Variants in SEL1L3 observed in about 807,000 individuals in gnomAD.
SEL1L3 encodes protein sel-1 homolog 3.
SEL1L3 carries 76 observed loss-of-function variants against 142.8 expected under a neutral mutation model. That is an observed-to-expected ratio of 0.53 (90% CI 0.44 to 0.64). The LOEUF (loss-of-function observed/expected upper bound fraction) is 0.64. Ranked by LOEUF, SEL1L3 falls within the 30% of genes least tolerant of loss-of-function variation. SEL1L3 has a pLI of 0.00. For synonymous variants in SEL1L3, 504 were observed against 519.6 expected, an observed-to-expected ratio of 0.97 and a Z score of 0.41; for missense variants, 1,262 against 1,381.7, an observed-to-expected ratio of 0.91 and a Z score of 1.37.
rs560965750 is a variant in SEL1L3 at position 25,758,859 on chromosome 4, G to T, written c.3083+82C>A. On this transcript the variant is annotated intron_variant, in intron 21 of 23. Transcript: ENST00000399878. ...TAACAATTTACATTACAATATAAGG[G>T]TAAAGCTAACTTTAACCAAGAAGCG... 1.8e-5 allele frequency: 25 copies of T among 1,386,342 alleles called. No homozygotes were observed. The East Asian group carries it at 5.3e-4, about 30-fold the overall frequency. 85.9% of individuals were successfully genotyped at this position (1,386,342 alleles called of 1,614,324 possible). A position where few individuals can be genotyped will look rare whatever the true frequency, so the allele number is the denominator to read the frequency against.
At chr4:25,732,435 G>A in the SEL1L3 span, among the ~76,000 whole-genome samples, 3 of 152,198 alleles carry the variant, frequency 2.0e-5, no homozygotes, top group Admixed American at 2.0e-4. Context: ...GTTTTCCAAA[G>A]TAGTTGTGCC....
chr4:25,794,112 T>C (rs1051431355), intron 11 of SEL1L3, among the ~76,000 whole-genome samples: 41 of 152,182 alleles, frequency 2.7e-4, no homozygotes, highest in Non-Finnish European at 3.5e-4. Context: ...GACATAGGCA[T>C]AGACAAAGAT....
At chr4:25,812,257 G>A (rs1469955126) in intron 9 of SEL1L3, among the ~76,000 whole-genome samples, 1 of 152,140 alleles carries the variant, frequency 6.6e-6, no homozygotes, top group Non-Finnish European at 1.5e-5. Context: ...GCAAACAGCT[G>A]TTATGTTCCC....
chr4:25,840,555 T>A (rs980931626), intron 2 of SEL1L3, among the ~76,000 whole-genome samples: 4 of 152,190 alleles, frequency 2.6e-5, no homozygotes, highest in African/African-American at 9.7e-5. Flanking sequence ...AGAAGAAAAC[T>A]GCCATGTTGC....
In SEL1L3 at chr4:25,831,595, A is replaced by G. The variant is rs192456077; in HGVS notation, c.1098+1400T>C. On this transcript the variant is annotated intron_variant, in intron 5 of 23. Coordinates refer to ENST00000399878, the MANE Select transcript of SEL1L3 (RefSeq NM_015187.5). ...GGCTGGAGTGCAGGGGCGCCATCTT[A>G]GCTCACTGCAACCTCCGCCTCCCGG... 3.4e-3 allele frequency among the ~76,000 whole-genome samples: 507 copies of G among 150,644 alleles called. 3 individuals carry two copies. Among genetic ancestry groups the G allele is most frequent in the African/African-American group, 0.012 (475 of 41,156 alleles).
intron 2 of SEL1L3, among the ~76,000 whole-genome samples, chr4:25,839,803 G>A (rs147200554): frequency 5.0e-5 from 7 of 139,702 alleles, no homozygotes; most frequent in South Asian, 2.6e-4. Context: ...TTACTTTTTC[G>A]TCTACGAAAG....
At chr4:25,737,270 A>G in the SEL1L3 span, among the ~76,000 whole-genome samples, 1 of 152,222 alleles carries the variant, frequency 6.6e-6, no homozygotes, top group African/African-American at 2.4e-5. Context: ...GGCGTGAGTC[A>G]CCACGCCCAG....
intron 3 of SEL1L3, among the ~76,000 whole-genome samples, 171 bp downstream of exon 3, chr4:25,835,026 T>C (rs552484224): frequency 6.7e-6 from 1 of 149,146 alleles, no homozygotes; most frequent in Non-Finnish European, 1.5e-5. Flanking sequence ...CAAGACTCAT[T>C]TGAGGTTTTC....
intron 11 of SEL1L3, among the ~76,000 whole-genome samples, chr4:25,799,448 T>C (rs570622773): frequency 1.3e-5 from 2 of 152,286 alleles, no homozygotes; most frequent in Admixed American, 6.5e-5. Context: ...TTCAACTTAA[T>C]CAACTCTTCA....
chr4:25,816,164 T>C (rs962652571), intron 9 of SEL1L3, among the ~76,000 whole-genome samples: 1 of 147,970 alleles, frequency 6.8e-6, no homozygotes, highest in Non-Finnish European at 1.5e-5. Context: ...TATATGTATA[T>C]TATATATACA....
chr4:25,719,211 T>TA, the SEL1L3 span: 1 of 152,076 alleles, frequency 6.6e-6, no homozygotes, highest in Non-Finnish European at 1.5e-5. Flanking sequence ...AAAAGTATTA[T>TA]TACTAGCATA....
rs3947965 is a variant in SEL1L3, at chr4:25,825,665, T to A, written c.1158-3537A>T. On this transcript the variant is annotated intron_variant, in intron 6 of 23. Coordinates refer to ENST00000399878, the MANE Select transcript of SEL1L3 (RefSeq NM_015187.5). The stretch of plus-strand genomic sequence containing the variant: ...CTTCTTCAGGGCCTGGTCTAAATTC[T>A]ATTTTTTTTTTTTTTTTTTTTTTTT... Among the ~76,000 whole-genome samples, 374 of 120,784 alleles carry A rather than the reference T, an allele frequency of 3.1e-3. 2 individuals are homozygous for A. The highest frequency in any genetic ancestry group is 0.013 in the Middle Eastern group (3 of 236). The allele number at this position is 120,784 out of a possible 152,430, so 79.2% of individuals were successfully genotyped here.
chr4:25,848,487 A>C (rs117628531), intron 1 of SEL1L3, among the ~76,000 whole-genome samples: 170 of 152,362 alleles, frequency 1.1e-3, no homozygotes, highest in East Asian at 6.2e-3. Flanking sequence ...TTCACCACAG[A>C]CAATGCTACA....
At chr4:25,755,384 T>A (rs1038505632) in intron 23 of SEL1L3, among the ~76,000 whole-genome samples, 1 of 152,158 alleles carries the variant, frequency 6.6e-6, no homozygotes, top group South Asian at 2.1e-4. Context: ...ATTATAGCAG[T>A]AAGCCACTGC....
the SEL1L3 span, among the ~76,000 whole-genome samples, chr4:25,741,320 C>T: frequency 6.6e-6 from 1 of 150,816 alleles, no homozygotes; most frequent in Middle Eastern, 3.5e-3. Context: ...AGGCTGGTCT[C>T]GAACTCCTGA....
chr4:25,759,225 AAT>A (rs1718213054), intron 20 of SEL1L3, 157 bp from the exon 21 acceptor site: 1 of 709,242 alleles, frequency 1.4e-6, no homozygotes, highest in South Asian at 2.0e-5. Flanking sequence ...TGTTTCCCTA[AAT>A]ATATGCATCT....
At chr4:25,763,286 G>A (rs1718505098) in intron 20 of SEL1L3, among the ~76,000 whole-genome samples, 1 of 152,164 alleles carries the variant, frequency 6.6e-6, no homozygotes. Flanking sequence ...CTTCTTTTCA[G>A]AAGAAATGAT....
chr4:25,759,397 C>G (rs1240464759), intron 20 of SEL1L3: 1 of 239,596 alleles, frequency 4.2e-6, no homozygotes, highest in African/African-American at 2.3e-5. Context: ...AACAAGAATA[C>G]TGAGTCGAAT....
At chr4:25,738,924 G>A in the SEL1L3 span, among the ~76,000 whole-genome samples, 1 of 152,114 alleles carries the variant, frequency 6.6e-6, no homozygotes, top group Admixed American at 6.6e-5. Context: ...TCTGGAGGTT[G>A]GCTGGGCACA....
Sources: gnomAD v4.1 joint callset for allele counts (sites outside exome capture counted in the v4.1 genomes callset) on GRCh38, gnomAD v4.1.1 for gene constraint, MANE v1.5 for transcripts, NCBI Gene and HGNC (gene_info 2026-07-23, HGNC 2026-07-21) for gene names.